SLC22A24: variants seen among roughly 807,000 people sequenced by gnomAD.
SLC22A24 encodes the protein solute carrier family 22 member 24.
In SLC22A24, 53 loss-of-function variants were observed where a neutral mutation model predicts 49.8. The ratio of observed to expected loss-of-function variants is 1.06; its 90% CI spans 0.85 to 1.34. The LOEUF (loss-of-function observed/expected upper bound fraction) is 1.34, where lower values mean the gene tolerates loss of function less well. Ranked by LOEUF, SLC22A24 falls within the 40% of genes most tolerant of loss-of-function variation. SLC22A24 has a pLI of 0.00. For synonymous variants in SLC22A24, 302 were observed against 256.4 expected, an observed-to-expected ratio of 1.18 and a Z score of -1.70; for missense variants, 786 against 675.9, an observed-to-expected ratio of 1.16 and a Z score of -1.81.
intron 6 of SLC22A24, among the ~76,000 whole-genome samples, chr11:63,089,851 GC>G (rs1440230283): frequency 1.3e-5 from 2 of 152,064 alleles, no homozygotes; most frequent in Non-Finnish European, 2.9e-5. Flanking sequence ...GGAGGCCGAG[GC>G]GGGTGGATCA....
At chr11:63,109,135 T>C (rs1176907140) in intron 4 of SLC22A24, among the ~76,000 whole-genome samples, 2 of 151,118 alleles carry the variant, frequency 1.3e-5, no homozygotes, top group African/African-American at 2.4e-5. Context: ...CTGAGAATGA[T>C]GATTTCCAGT....
intron 7 of SLC22A24, among the ~76,000 whole-genome samples, 157 bp downstream of exon 7, chr11:63,083,086 A>G (rs2086968548): frequency 6.6e-6 from 1 of 152,198 alleles, no homozygotes; most frequent in Non-Finnish European, 1.5e-5. Context: ...AAAACAACAT[A>G]TTGTCAGAAT....
intron 6 of SLC22A24, among the ~76,000 whole-genome samples, chr11:63,087,384 A>G (rs2086993837): frequency 6.6e-6 from 1 of 152,166 alleles, no homozygotes. Context: ...ACTGTGCTAC[A>G]TGGCCGGGTT....
chr11:63,122,195 G>A (rs115469654), intron 2 of SLC22A24, among the ~76,000 whole-genome samples: 308 of 152,220 alleles, frequency 2.0e-3, no homozygotes, highest in African/African-American at 7.1e-3. Flanking sequence ...TAGTTACCAT[G>A]GGGATTTACT....
At chr11:63,098,640 G>C (rs1300650441) in intron 5 of SLC22A24, among the ~76,000 whole-genome samples, 3 of 152,024 alleles carry the variant, frequency 2.0e-5, no homozygotes, top group Non-Finnish European at 4.4e-5. Flanking sequence ...TCCAGCCTAG[G>C]TGACAGAGTG....
intron 4 of SLC22A24, chr11:63,116,268 G>T: frequency 3.5e-6 from 1 of 282,364 alleles, no homozygotes; most frequent in South Asian, 8.7e-5. Flanking sequence ...TTGTGATCAG[G>T]GTTTCTTGAT....
chr11:63,104,426 A>T (rs564585148), intron 4 of SLC22A24, 128 bp from the exon 5 acceptor site: 1 of 993,442 alleles, frequency 1.0e-6, no homozygotes, highest in East Asian at 2.7e-5. Context: ...ATTTCTGACC[A>T]AATTGGCCTC....
intron 1 of SLC22A24, among the ~76,000 whole-genome samples, chr11:63,142,280 G>A: frequency 6.6e-6 from 1 of 152,160 alleles, no homozygotes; most frequent in Non-Finnish European, 1.5e-5. Flanking sequence ...TGGAGTGATA[G>A]ATGGCCTTTT....
At chr11:63,123,503 C>G (rs1461906875) in intron 2 of SLC22A24, among the ~76,000 whole-genome samples, 2 of 152,098 alleles carry the variant, frequency 1.3e-5, no homozygotes, top group Non-Finnish European at 2.9e-5. Flanking sequence ...CTTCTGTGAC[C>G]TGAATATCCA....
chr11:63,104,821 G>A (rs540490993), intron 4 of SLC22A24, among the ~76,000 whole-genome samples: 53 of 152,176 alleles, frequency 3.5e-4, no homozygotes, highest in African/African-American at 1.3e-3. Context: ...CAAATCTCAT[G>A]TTCTCATATT....
At chr11:63,084,450 C>A (rs1475022930) in intron 6 of SLC22A24, among the ~76,000 whole-genome samples, 1 of 152,014 alleles carries the variant, frequency 6.6e-6, no homozygotes, top group Admixed American at 6.6e-5. Flanking sequence ...GGAAGGCGAC[C>A]AGCAATAAGG....
intron 4 of SLC22A24, among the ~76,000 whole-genome samples, chr11:63,117,101 C>T (rs2087217700): frequency 6.6e-6 from 1 of 152,128 alleles, no homozygotes; most frequent in Non-Finnish European, 1.5e-5. Flanking sequence ...GTACTGATTG[C>T]CTTTTCTTCC....
chr11:63,081,087 C>T lies in SLC22A24; in HGVS notation c.1431G>A (p.Arg477=). The change falls in exon 9 of 10, where the codon AGG becomes AGA. Residue 477 remains arginine (R), a synonymous_variant. Transcript: ENST00000612278. ...ACAGAGGAGCCAGTGCTGCCCCAGTCCTACCGGACACTGCATTGATTCCTG... is the reference window on the plus strand; with the variant it reads ...ACAGAGGAGCCAGTGCTGCCCCAGTTCTACCGGACACTGCATTGATTCCTG... ...TVAGINAVSG[R]TGAALAPLLM... The T allele has an allele frequency of 6.4e-7, 1 of 1,551,618 alleles. No homozygotes were observed. Among genetic ancestry groups the T allele is most frequent in the Non-Finnish European group, 8.7e-7 (1 of 1,146,922 alleles).
rs182814896 is a variant in SLC22A24, at chr11:63,124,773, A to G, written c.507-5438T>C. 3.3e-4 allele frequency among the ~76,000 whole-genome samples: 51 copies of G among 152,310 alleles called. No homozygotes were observed. The East Asian group carries it at 9.5e-3, about 28-fold the overall frequency. ...ATACACCATGGAATACTATGCAGCC[A>G]TAAAAAATGATGAGTTCATGTCCTT... On this transcript the variant is annotated intron_variant, in intron 2 of 9. Transcript: ENST00000612278.
chr11:63,103,668 T>C (rs748688322), intron 5 of SLC22A24, among the ~76,000 whole-genome samples: 3 of 152,164 alleles, frequency 2.0e-5, no homozygotes, highest in Non-Finnish European at 4.4e-5. Flanking sequence ...ATGAAGACAA[T>C]GTAAATGCCA....
At chr11:63,125,802 A>T (rs1303072955) in intron 2 of SLC22A24, among the ~76,000 whole-genome samples, 1 of 152,216 alleles carries the variant, frequency 6.6e-6, no homozygotes, top group Admixed American at 6.5e-5. Flanking sequence ...ATTTCTCCAC[A>T]TCCTCTCCAG....
At position 63,123,516 on chromosome 11, in the gene SLC22A24, A is replaced by G. The variant is rs181356990; in HGVS notation, c.507-4181T>C. 2.5e-3 allele frequency among the ~76,000 whole-genome samples: 382 copies of G among 152,288 alleles called. 2 individuals are homozygous for G. The highest frequency in any genetic ancestry group is 4.0e-3 in the Non-Finnish European group (274 of 68,018). The stretch of plus-strand genomic sequence containing the variant: ...CTCTTCTGTGACCTGAATATCCATT[A>G]TATACAACTGTCTACCTGAAACTCC... On this transcript the variant is annotated intron_variant, in intron 2 of 9. Coordinates refer to ENST00000612278, the MANE Select transcript of SLC22A24 (RefSeq NM_001136506.2).
intron 4 of SLC22A24, among the ~76,000 whole-genome samples, chr11:63,113,968 C>T (rs533871447): frequency 3.9e-5 from 6 of 151,980 alleles, no homozygotes; most frequent in Non-Finnish European, 8.8e-5. Context: ...GTGGGTAACC[C>T]GACCTTTCTC....
chr11:63,118,222 T>C, intron 4 of SLC22A24, among the ~76,000 whole-genome samples: 1 of 57,626 alleles, frequency 1.7e-5, no homozygotes, highest in South Asian at 7.9e-4. Flanking sequence ...TGTTAGCTGT[T>C]ATTTTTTTTT....
Sources: allele counts gnomAD v4.1 joint callset (sites outside exome capture counted in the v4.1 genomes callset), GRCh38; gene constraint gnomAD v4.1.1; transcripts MANE v1.5; gene names NCBI Gene and HGNC (gene_info 2026-07-23, HGNC 2026-07-21).